The following WDR37 variants were observed in gnomAD, a reference collection of about 807,000 sequenced individuals.
WDR37 encodes WD repeat domain 37.
WDR37 carries 19 observed loss-of-function variants against 62.9 expected under a neutral mutation model. The ratio of observed to expected loss-of-function variants is 0.30; its 90% CI spans 0.21 to 0.44. The LOEUF is 0.44. Among genes scored for constraint, WDR37 ranks in the 20% least tolerant of loss-of-function variants. WDR37 has a pLI of 1.00. For synonymous variants in WDR37, 250 were observed against 260.9 expected (o/e 0.96, Z 0.40); for missense variants, 474 against 657.6 (o/e 0.72, Z 3.05).
intron 7 of WDR37, among the ~76,000 whole-genome samples, chr10:1,089,630 C>T (rs1009661362): frequency 6.6e-6 from 1 of 151,510 alleles, no homozygotes; most frequent in Non-Finnish European, 1.5e-5. Context: ...TTCCCATGCT[C>T]ACCCACAATT....
At position 1,127,734 on chromosome 10, in the gene WDR37, T is replaced by C. The variant is rs188592224; in HGVS notation, c.1354-1479T>C. Among the ~76,000 whole-genome samples, 439 of 151,908 alleles carry C rather than the reference T, an allele frequency of 2.9e-3. 1 individual carries two copies. Among genetic ancestry groups the C allele is most frequent in the African/African-American group, 0.01 (414 of 41,248 alleles). ...CTGTGACGTGGAGGCTCACGGAGTG[T>C]GAGGGTCCCTGTGATGTGGAGGCCC... On this transcript the variant is annotated intron_variant, in intron 13 of 13. Transcript: ENST00000263150.
intron 3 of WDR37, among the ~76,000 whole-genome samples, chr10:1,079,445 T>C (rs558288702): frequency 9.5e-4 from 141 of 148,788 alleles, no homozygotes; most frequent in Non-Finnish European, 1.5e-3. Flanking sequence ...GAAATGCGGG[T>C]GCTGTCTTTG....
chr10:1,108,195 G>C (rs1835083566), intron 11 of WDR37, among the ~76,000 whole-genome samples: 1 of 152,168 alleles, frequency 6.6e-6, no homozygotes, highest in Non-Finnish European at 1.5e-5. Flanking sequence ...AATTTACTCA[G>C]TTCTCCCCAA....
At chr10:1,113,534 G>A (rs912104224) in intron 11 of WDR37, among the ~76,000 whole-genome samples, 6 of 152,188 alleles carry the variant, frequency 3.9e-5, no homozygotes, top group Non-Finnish European at 7.3e-5. Context: ...CGTCAATTGA[G>A]CACCTTCTGG....
chr10:1,128,794 G>A (rs1208276424), intron 13 of WDR37, among the ~76,000 whole-genome samples: 2 of 152,082 alleles, frequency 1.3e-5, no homozygotes, highest in South Asian at 2.1e-4. Context: ...ACGTCCTGGC[G>A]GCTCTGCCGT....
chr10:1,115,041 TTTG>T (rs1554825721), intron 11 of WDR37, among the ~76,000 whole-genome samples: 1 of 151,940 alleles, frequency 6.6e-6, no homozygotes, highest in Non-Finnish European at 1.5e-5. Flanking sequence ...TTTTTTTTTT[TTTG>T]TTGTTGTTAT....
chr10:1,072,076 T>C, intron 1 of WDR37, 40 bp from the exon 2 acceptor site: 1 of 1,520,386 alleles, frequency 6.6e-7, no homozygotes, highest in Non-Finnish European at 8.9e-7. Context: ...TTGTTTCAAC[T>C]CGCTGTATCA....
chr10:1,072,428 C>CCT, intron 2 of WDR37, 135 bp downstream of exon 2: 1 of 1,217,558 alleles, frequency 8.2e-7, no homozygotes, highest in South Asian at 1.4e-5. Context: ...GATTCTCCTG[C>CCT]CTCAGCCTAC....
intron 6 of WDR37, among the ~76,000 whole-genome samples, 153 bp from the exon 7 acceptor site, chr10:1,086,133 C>T (rs1349105814): frequency 6.6e-6 from 1 of 152,148 alleles, no homozygotes; most frequent in Non-Finnish European, 1.5e-5. Context: ...TTTCTTTGAT[C>T]AATTGAAGCA....
chr10:1,064,457 C>G (rs1432309911), intron 1 of WDR37, among the ~76,000 whole-genome samples: 1 of 152,082 alleles, frequency 6.6e-6, no homozygotes, highest in East Asian at 1.9e-4. Context: ...GCAGCATAAA[C>G]CCAGAGAAGA....
intron 6 of WDR37, among the ~76,000 whole-genome samples, chr10:1,084,854 G>C (rs139577228): frequency 6.6e-6 from 1 of 152,238 alleles, no homozygotes; most frequent in Admixed American, 6.5e-5. Context: ...CCAGGTCCCC[G>C]TGGGTAGGGC....
At chr10:1,126,111 C>T (rs1231398103) in intron 13 of WDR37, among the ~76,000 whole-genome samples, 1 of 152,068 alleles carries the variant, frequency 6.6e-6, no homozygotes, top group East Asian at 1.9e-4. Flanking sequence ...CACAGAAACT[C>T]CCCGGGGTCA....
chr10:1,066,469 A>AGGG, intron 1 of WDR37, among the ~76,000 whole-genome samples: 1 of 152,212 alleles, frequency 6.6e-6, no homozygotes, highest in African/African-American at 2.4e-5. Context: ...GTAAGATCTA[A>AGGG]ATAAATACTG....
chr10:1,107,484 A>G (rs866406920), intron 11 of WDR37, among the ~76,000 whole-genome samples: 7 of 152,256 alleles, frequency 4.6e-5, no homozygotes, highest in African/African-American at 1.7e-4. Flanking sequence ...AGAGTAGTAC[A>G]GTGTACCCAC....
intron 1 of WDR37, among the ~76,000 whole-genome samples, chr10:1,060,231 C>T (rs1833332251): frequency 6.6e-6 from 1 of 152,194 alleles, no homozygotes; most frequent in South Asian, 2.1e-4. Flanking sequence ...TGGCCAGTGC[C>T]TGCTGTGTGT....
chr10:1,119,874 CGA>C (rs2131685440), intron 11 of WDR37, among the ~76,000 whole-genome samples: 1 of 152,208 alleles, frequency 6.6e-6, no homozygotes, highest in East Asian at 1.9e-4. Context: ...TTATTTCTGC[CGA>C]GAGGGGTTTG....
At chr10:1,066,513 A>G (rs947923796) in intron 1 of WDR37, among the ~76,000 whole-genome samples, 3 of 152,240 alleles carry the variant, frequency 2.0e-5, no homozygotes, top group Non-Finnish European at 4.4e-5. Context: ...CATAATAAAT[A>G]TACCATTTCT....
intron 1 of WDR37, among the ~76,000 whole-genome samples, chr10:1,071,644 A>T (rs1386975178): frequency 6.6e-6 from 1 of 152,240 alleles, no homozygotes; most frequent in Admixed American, 6.5e-5. Context: ...AAAATATTTT[A>T]AACGTATTGG....
Position 1,103,450 on chromosome 10 carries a change from C to A in WDR37, c.727-152C>A, listed in dbSNP as rs7915650. ...ATGGGTCAGAGGAGGACATACTCAT[C>A]ACTGTGGCCAGCACCAGGCTCCTAG... On this transcript the variant is annotated intron_variant, in intron 9 of 13. Coordinates refer to ENST00000263150, the MANE Select transcript of WDR37 (RefSeq NM_014023.4). This position sits in a 1 kb window ranked among gnomAD's most constrained non-coding sequence, Gnocchi z 6.3. 0.14 allele frequency: 104,251 copies of A among 757,610 alleles called. 7,988 individuals carry two copies. Among genetic ancestry groups the A allele is most frequent in the Middle Eastern group, 0.2 (619 of 3,120 alleles). The allele number at this position is 757,610 out of a possible 1,614,324, so 46.9% of individuals were successfully genotyped here. A position where few individuals can be genotyped will look rare whatever the true frequency, so the allele number is the denominator to read the frequency against.
Sources: allele counts gnomAD v4.1 joint callset (sites outside exome capture counted in the v4.1 genomes callset), GRCh38; gene constraint gnomAD v4.1.1; non-coding constraint Gnocchi (gnomAD v3.1); transcripts MANE v1.5; gene names NCBI Gene and HGNC (gene_info 2026-07-23, HGNC 2026-07-21).